The following RAMP1 variants were observed in gnomAD, a reference collection of about 807,000 sequenced individuals.
RAMP1 encodes the protein receptor activity-modifying protein 1.
RAMP1 carries 7 observed loss-of-function variants against 8.2 expected under a neutral mutation model. The ratio of observed to expected loss-of-function variants is 0.85; its 90% CI spans 0.49 to 1.60. The LOEUF (loss-of-function observed/expected upper bound fraction) is 1.60, where lower values mean the gene tolerates loss of function less well. Ranked by LOEUF, RAMP1 falls within the 40% of genes most tolerant of loss-of-function variation. RAMP1 has a pLI of 0.00. For synonymous variants in RAMP1, 92 were observed against 84.7 expected (o/e 1.09, Z -0.47); for missense variants, 192 against 202.4 (o/e 0.95, Z 0.31).
intron 2 of RAMP1, among the ~76,000 whole-genome samples, chr2:237,903,856 G>A (rs1270161304): frequency 7.9e-5 from 12 of 152,090 alleles, no homozygotes; most frequent in African/African-American, 1.9e-4. Context: ...CACCACGCCC[G>A]GCTAATTTTT....
chr2:237,875,037 G>T (rs1049377605), intron 1 of RAMP1, among the ~76,000 whole-genome samples: 5 of 152,116 alleles, frequency 3.3e-5, no homozygotes, highest in Admixed American at 3.3e-4. Context: ...ACAGAGGGAC[G>T]ATTCTCCAAT....
chr2:237,871,379 G>A (rs751475917), intron 1 of RAMP1, among the ~76,000 whole-genome samples: 5 of 152,316 alleles, frequency 3.3e-5, no homozygotes, highest in South Asian at 2.1e-4. Flanking sequence ...AGCCACACAG[G>A]AAACGCCAGG....
chr2:237,859,408 C>G (rs2062109479), upstream of RAMP1: 1 of 154,320 alleles, frequency 6.5e-6, no homozygotes, highest in Non-Finnish European at 1.4e-5. Context: ...TTTCAGGAGG[C>G]CTTCCTGGGA....
intron 2 of RAMP1, 143 bp from the exon 3 acceptor site, chr2:237,911,385 C>G: frequency 1.6e-6 from 2 of 1,219,018 alleles, no homozygotes; most frequent in South Asian, 3.0e-5. Flanking sequence ...CTCCTGGATC[C>G]AGGGCCACTG....
intron 2 of RAMP1, among the ~76,000 whole-genome samples, chr2:237,884,306 G>T (rs988735386): frequency 6.6e-6 from 1 of 152,108 alleles, no homozygotes; most frequent in African/African-American, 2.4e-5. Context: ...GCTGATGGAG[G>T]CATAATGTGA....
intron 1 of RAMP1, among the ~76,000 whole-genome samples, chr2:237,866,210 G>T (rs1307505543): frequency 6.6e-6 from 1 of 152,038 alleles, no homozygotes; most frequent in East Asian, 1.9e-4. Context: ...CTCATTCAGT[G>T]TCTAGGAATC....
chr2:237,869,006 AG>A (rs1235066402), intron 1 of RAMP1, among the ~76,000 whole-genome samples: 1 of 151,962 alleles, frequency 6.6e-6, no homozygotes, highest in Non-Finnish European at 1.5e-5. Context: ...CCGTGGGAGG[AG>A]TGTGGCGTTT....
At chr2:237,859,932 G>T in intron 1 of RAMP1, 1 of 472,842 alleles carries the variant, frequency 2.1e-6, no homozygotes, top group Non-Finnish European at 3.6e-6. Flanking sequence ...GGCGCGGACC[G>T]GTGTTGCGCT....
chr2:237,903,395 G>A (rs561661119), intron 2 of RAMP1, among the ~76,000 whole-genome samples: 23 of 152,308 alleles, frequency 1.5e-4, no homozygotes, highest in African/African-American at 4.1e-4. Context: ...AGAGGCATCC[G>A]TGAGTTTGAG....
Position 237,861,851 on chromosome 2 carries a change from C to CAA in RAMP1, c.52+2137_52+2138dup, listed in dbSNP as rs11384578. ...GGGTGATAAGAGTGAAACTCCGTCT[C>CAA]AAAAAAAAAAAAAACTTAGGATCCA... is the stretch of plus-strand genomic sequence containing the variant. On this transcript the variant is annotated intron_variant, in intron 1 of 2. Transcript: ENST00000254661. Among the ~76,000 whole-genome samples, 959 of 138,520 alleles carry CAA rather than the reference C, an allele frequency of 6.9e-3. 11 individuals are homozygous for CAA. Among genetic ancestry groups the CAA allele is most frequent in the African/African-American group, 0.021 (797 of 38,008 alleles). The allele number at this position is 138,520 out of a possible 152,430, so 90.9% of individuals were successfully genotyped here. A position where few individuals can be genotyped will look rare whatever the true frequency, so the allele number is the denominator to read the frequency against.
chr2:237,860,971 T>G (rs2062128077), intron 1 of RAMP1, among the ~76,000 whole-genome samples: 1 of 152,194 alleles, frequency 6.6e-6, no homozygotes, highest in African/African-American at 2.4e-5. Context: ...TGAAGTTACG[T>G]GGAAAGCAGA....
chr2:237,901,660 G>C (rs530699365), intron 2 of RAMP1, among the ~76,000 whole-genome samples: 1 of 152,184 alleles, frequency 6.6e-6, no homozygotes, highest in Admixed American at 6.5e-5. Context: ...GTGTAATGGT[G>C]AGCACTGAAG....
At chr2:237,874,138 G>A (rs539861080) in intron 1 of RAMP1, among the ~76,000 whole-genome samples, 134 of 152,364 alleles carry the variant, frequency 8.8e-4, no homozygotes, top group African/African-American at 3.1e-3. Flanking sequence ...AGCCAGACCC[G>A]GACAGGGGAT....
At chr2:237,866,723 ATTCTTTTTTTTTTT>A (rs1333095191) in intron 1 of RAMP1, among the ~76,000 whole-genome samples, 7 of 148,934 alleles carry the variant, frequency 4.7e-5, no homozygotes, top group Non-Finnish European at 7.4e-5. Context: ...TGTATACTGT[ATTCTTTTTTTTTTT>A]TCTTTTTTTG....
chr2:237,896,684 C>T (rs941609563), intron 2 of RAMP1, among the ~76,000 whole-genome samples: 1 of 152,196 alleles, frequency 6.6e-6, no homozygotes, highest in Non-Finnish European at 1.5e-5. Context: ...CTCACTCTGC[C>T]GCCTAGATTG....
intron 2 of RAMP1, among the ~76,000 whole-genome samples, chr2:237,900,770 T>A (rs2062589043): frequency 6.6e-6 from 1 of 152,190 alleles, no homozygotes; most frequent in Non-Finnish European, 1.5e-5. Flanking sequence ...TTTAAATTTA[T>A]CCTTTTTTTA....
intron 1 of RAMP1, among the ~76,000 whole-genome samples, chr2:237,866,489 A>T (rs1273157595): frequency 6.6e-6 from 1 of 152,036 alleles, no homozygotes; most frequent in Non-Finnish European, 1.5e-5. Context: ...AGAGTGACTC[A>T]CTGCTGAGTA....
intron 2 of RAMP1, among the ~76,000 whole-genome samples, chr2:237,904,225 A>G (rs1208507803): frequency 6.6e-6 from 1 of 150,516 alleles, no homozygotes; most frequent in Non-Finnish European, 1.5e-5. Context: ...CATCCTGGCT[A>G]ACACGGTGAA....
rs775097447 is a variant in RAMP1, at chr2:237,911,605, A to G, written c.269A>G (p.Asp90Gly). The stretch of plus-strand genomic sequence containing the variant: ...TGCTTCTGGCCCAATGCAGAGGTGG[A>G]CAGGTTCTTCCTGGCAGTGCATGGC... ...LGCFWPNAEV[D>G]RFFLAVHGRY... is the part of the protein sequence containing the mutation. The change falls in exon 3 of 3, where the codon GAC becomes GGC. Residue 90 changes from aspartate (D) to glycine (G), a missense_variant. Physicochemically the swap from Asp to Gly is moderately conservative, Grantham distance 94. Transcript: ENST00000254661. 1 of 1,614,120 alleles carries G rather than the reference A, an allele frequency of 6.2e-7. No homozygotes were observed. Among genetic ancestry groups the G allele is most frequent in the South Asian group, 1.1e-5 (1 of 91,088 alleles).
Sources: allele counts gnomAD v4.1 joint callset (sites outside exome capture counted in the v4.1 genomes callset), GRCh38; gene constraint gnomAD v4.1.1; transcripts MANE v1.5; gene names NCBI Gene and HGNC (gene_info 2026-07-23, HGNC 2026-07-21).